PPP2R3A: variants seen among roughly 807,000 people sequenced by gnomAD.
The protein encoded by PPP2R3A is protein phosphatase 2 regulatory subunit B''alpha, also known as serine/threonine-protein phosphatase 2A regulatory subunit B'' subunit alpha.
A neutral mutation model predicts 106.9 loss-of-function variants in PPP2R3A; 80 were observed. That is an observed-to-expected ratio of 0.75 (90% CI 0.62 to 0.90). The LOEUF is 0.90. PPP2R3A is among the 40% of genes least tolerant of loss of function. The probability of loss-of-function intolerance (pLI) is 0.00; values close to 1 mark genes in which losing one functional copy is unlikely to be tolerated. For synonymous variants in PPP2R3A, 483 were observed against 468.3 expected (o/e 1.03, Z -0.41); for missense variants, 1,386 against 1,350.4 (o/e 1.03, Z -0.41).
chr3:136,082,980 C>A (rs1184047746), intron 8 of PPP2R3A, among the ~76,000 whole-genome samples: 1 of 152,092 alleles, frequency 6.6e-6, no homozygotes, highest in Non-Finnish European at 1.5e-5. Context: ...TCATTTTTGC[C>A]AGCGGTAAAT....
intron 2 of PPP2R3A, among the ~76,000 whole-genome samples, chr3:136,024,003 A>T (rs1052324524): frequency 6.6e-6 from 1 of 152,162 alleles, no homozygotes; most frequent in African/African-American, 2.4e-5. Context: ...TTATTTGGGT[A>T]AATATGAAAT....
chr3:135,983,621 A>G (rs765349350), intron 1 of PPP2R3A, among the ~76,000 whole-genome samples: 1 of 152,102 alleles, frequency 6.6e-6, no homozygotes, highest in African/African-American at 2.4e-5. Flanking sequence ...TTGCCCTGAT[A>G]TTTGTGTTCT....
intron 1 of PPP2R3A, among the ~76,000 whole-genome samples, chr3:135,996,474 T>C (rs902490776): frequency 3.3e-5 from 5 of 152,242 alleles, no homozygotes; most frequent in Admixed American, 2.6e-4. Flanking sequence ...TAATGAAGTG[T>C]CCACTGATAT....
At chr3:136,092,290 A>G (rs1937112041) in intron 10 of PPP2R3A, among the ~76,000 whole-genome samples, 1 of 152,180 alleles carries the variant, frequency 6.6e-6, no homozygotes, top group East Asian at 1.9e-4. Context: ...AGATCGCACC[A>G]TTGCACTACA....
intron 1 of PPP2R3A, among the ~76,000 whole-genome samples, chr3:135,966,092 G>T (rs1027532727): frequency 6.6e-6 from 1 of 152,014 alleles, no homozygotes; most frequent in Non-Finnish European, 1.5e-5. Flanking sequence ...CCCGGGACAC[G>T]GCACCAGGGA....
intron 13 of PPP2R3A, among the ~76,000 whole-genome samples, chr3:136,120,960 G>T (rs1161588950): frequency 6.6e-6 from 1 of 152,212 alleles, no homozygotes; most frequent in East Asian, 1.9e-4. Context: ...CAGAGAAAAG[G>T]GAATGCACAT....
intron 3 of PPP2R3A, among the ~76,000 whole-genome samples, chr3:136,032,838 T>C (rs1489536160): frequency 1.3e-5 from 2 of 152,204 alleles, no homozygotes; most frequent in Non-Finnish European, 2.9e-5. Context: ...CCGGCCGACT[T>C]CCTCTTTATT....
At chr3:136,036,508 G>C (rs1935091015) in intron 3 of PPP2R3A, among the ~76,000 whole-genome samples, 1 of 152,150 alleles carries the variant, frequency 6.6e-6, no homozygotes, top group Admixed American at 6.5e-5. Flanking sequence ...TAGCCGCCCA[G>C]CAAGTCCAGG....
chr3:136,094,593 A>G (rs1003499942), intron 10 of PPP2R3A, among the ~76,000 whole-genome samples: 2 of 152,226 alleles, frequency 1.3e-5, no homozygotes, highest in African/African-American at 4.8e-5. Flanking sequence ...GAATGCTACA[A>G]ATAACGTATA....
intron 13 of PPP2R3A, among the ~76,000 whole-genome samples, chr3:136,112,342 T>A (rs550391161): frequency 2.6e-5 from 4 of 152,170 alleles, no homozygotes; most frequent in African/African-American, 9.6e-5. Context: ...AGAGAGAAAG[T>A]CAAGCTATCC....
intron 7 of PPP2R3A, among the ~76,000 whole-genome samples, chr3:136,082,002 C>T (rs1257106669): frequency 6.6e-6 from 1 of 152,086 alleles, no homozygotes; most frequent in African/African-American, 2.4e-5. Context: ...ACTATAGTCC[C>T]CAAGGTAATG....
intron 3 of PPP2R3A, among the ~76,000 whole-genome samples, chr3:136,034,768 T>C (rs1363860405): frequency 6.6e-6 from 1 of 152,188 alleles, no homozygotes; most frequent in Non-Finnish European, 1.5e-5. Flanking sequence ...TTAAATCCAT[T>C]GTTTGTTTAT....
intron 2 of PPP2R3A, among the ~76,000 whole-genome samples, chr3:136,024,342 T>A (rs1173352035): frequency 6.6e-6 from 1 of 152,252 alleles, no homozygotes; most frequent in Non-Finnish European, 1.5e-5. Context: ...TAGAACTCAA[T>A]AGAAAGTAAA....
chr3:136,141,727 C>A (rs1308782705), intron 13 of PPP2R3A, among the ~76,000 whole-genome samples: 1 of 152,142 alleles, frequency 6.6e-6, no homozygotes, highest in Admixed American at 6.5e-5. Context: ...AAGACCATAA[C>A]CTATTCCAAC....
intron 13 of PPP2R3A, among the ~76,000 whole-genome samples, chr3:136,142,168 CTTA>C (rs757590404): frequency 3.9e-5 from 6 of 152,140 alleles, no homozygotes; most frequent in Non-Finnish European, 7.3e-5. Context: ...ACGAGAAGAG[CTTA>C]TTAGTCCAGA....
intron 10 of PPP2R3A, among the ~76,000 whole-genome samples, chr3:136,099,989 A>T (rs1937318381): frequency 6.6e-6 from 1 of 151,884 alleles, no homozygotes; most frequent in African/African-American, 2.4e-5. Context: ...GGACTGAAGG[A>T]TTCAGTTTCC....
chr3:136,123,286 T>C (rs1938067763), intron 13 of PPP2R3A, among the ~76,000 whole-genome samples: 1 of 152,084 alleles, frequency 6.6e-6, no homozygotes, highest in East Asian at 1.9e-4. Flanking sequence ...AACAGAAAAA[T>C]TATGCATAGC....
intron 2 of PPP2R3A, among the ~76,000 whole-genome samples, chr3:136,026,517 C>T (rs1454537080): frequency 6.6e-6 from 1 of 152,120 alleles, no homozygotes; most frequent in Non-Finnish European, 1.5e-5. Flanking sequence ...TGAGAATACA[C>T]CTTGAGATTC....
chr3:136,047,628 G>A (rs960322390), intron 4 of PPP2R3A, among the ~76,000 whole-genome samples: 1 of 152,198 alleles, frequency 6.6e-6, no homozygotes, highest in African/African-American at 2.4e-5. Context: ...CAGGCCGGGC[G>A]TGGTGGCTCA....
Sources: allele counts gnomAD v4.1 joint callset (sites outside exome capture counted in the v4.1 genomes callset), GRCh38; gene constraint gnomAD v4.1.1; transcripts MANE v1.5; gene names NCBI Gene and HGNC (gene_info 2026-07-23, HGNC 2026-07-21).